AOX1: variants seen among roughly 807,000 people sequenced by gnomAD.
AOX1 encodes aldehyde oxidase 1.
A neutral mutation model predicts 169.5 loss-of-function variants in AOX1; 153 were observed. The observed-to-expected ratio is 0.90, with a 90% CI of 0.79 to 1.03. AOX1 has a LOEUF of 1.03. AOX1 is among the 50% of genes least tolerant of loss of function. AOX1 has a pLI of 0.00. For synonymous variants in AOX1, 562 were observed against 581.9 expected (o/e 0.97, Z 0.49); for missense variants, 1,656 against 1,663.9 (o/e 1.00, Z 0.08).
intron 25 of AOX1, among the ~76,000 whole-genome samples, chr2:200,648,973 G>A (rs2035522743): frequency 6.6e-6 from 1 of 152,122 alleles, no homozygotes; most frequent in Non-Finnish European, 1.5e-5. Flanking sequence ...TTTGCAGGCA[G>A]ACAGTGTGAT....
chr2:200,641,576 A>G (rs1363081077), intron 24 of AOX1, among the ~76,000 whole-genome samples: 2 of 151,546 alleles, frequency 1.3e-5, no homozygotes, highest in African/African-American at 4.8e-5. Context: ...TTTTATTTTT[A>G]TTTTTTGAGA....
chr2:200,641,567 T>A (rs1290339366), intron 24 of AOX1, among the ~76,000 whole-genome samples: 1 of 152,088 alleles, frequency 6.6e-6, no homozygotes, highest in African/African-American at 2.4e-5. Flanking sequence ...GTAGTCTTTT[T>A]TTATTTTTAT....
At chr2:200,587,065 G>A (rs1160712700) in intron 1 of AOX1, among the ~76,000 whole-genome samples, 1 of 151,524 alleles carries the variant, frequency 6.6e-6, no homozygotes, top group African/African-American at 2.4e-5. Flanking sequence ...CCAGGAGTTC[G>A]AGTTTAGCCT....
chr2:200,652,835 C>T (rs1383001804), intron 26 of AOX1, among the ~76,000 whole-genome samples: 1 of 152,100 alleles, frequency 6.6e-6, no homozygotes, highest in Non-Finnish European at 1.5e-5. Flanking sequence ...GAGGCCAAGA[C>T]AGGAGAATTG....
chr2:200,654,166 G>A lies in AOX1; in HGVS notation c.3076-2676G>A, dbSNP rs1374287291. Among the ~76,000 whole-genome samples, 4 of 137,114 alleles carry A rather than the reference G, an allele frequency of 2.9e-5. No individual in the cohort carries two copies. The Admixed American group carries it at 3.3e-4, about 11-fold the overall frequency. The allele number at this position is 137,114 out of a possible 152,430, so 90.0% of individuals were successfully genotyped here. On this transcript the variant is annotated intron_variant, in intron 26 of 34. Transcript: ENST00000374700. ...GAAATGATTAAGCTTAGTAAGGAAG[G>A]CACTGCACTCCAGCCTGGGTGACAG...
chr2:200,640,230 C>A (rs1036257774), intron 23 of AOX1, among the ~76,000 whole-genome samples: 8 of 151,986 alleles, frequency 5.3e-5, no homozygotes, highest in African/African-American at 1.9e-4. Context: ...TTAGGTGATG[C>A]CTGACTGAGA....
chr2:200,622,394 C>T (rs1462547735), intron 18 of AOX1, among the ~76,000 whole-genome samples: 1 of 152,220 alleles, frequency 6.6e-6, no homozygotes, highest in East Asian at 1.9e-4. Context: ...CAGCAGTCAA[C>T]AGGTTTTCTG....
intron 18 of AOX1, among the ~76,000 whole-genome samples, chr2:200,623,313 CCAGG>C (rs1362193977): frequency 6.6e-6 from 1 of 152,222 alleles, no homozygotes; most frequent in Non-Finnish European, 1.5e-5. Flanking sequence ...GTCAACCCCC[CCAGG>C]AAGGGGATGC....
chr2:200,677,908 G>A (rs2036121167), downstream of AOX1, among the ~76,000 whole-genome samples: 1 of 152,182 alleles, frequency 6.6e-6, no homozygotes. Flanking sequence ...GAAAAGAAGT[G>A]GAGGCTCAGA....
intron 25 of AOX1, among the ~76,000 whole-genome samples, chr2:200,648,598 T>A (rs183809956): frequency 4.4e-4 from 67 of 152,256 alleles, no homozygotes; most frequent in South Asian, 1.4e-3. Flanking sequence ...CCAGAAAGCA[T>A]CAGCTGTAGT....
intron 22 of AOX1, 47 bp from the exon 23 acceptor site, chr2:200,638,168 C>G (rs376776140): frequency 6.4e-7 from 1 of 1,565,062 alleles, no homozygotes; most frequent in Non-Finnish European, 8.8e-7. Context: ...CCAGAGAATG[C>G]CTGCTAGGTA....
chr2:200,641,752 T>G (rs1433451102), intron 24 of AOX1, among the ~76,000 whole-genome samples: 1 of 152,032 alleles, frequency 6.6e-6, no homozygotes, highest in Non-Finnish European at 1.5e-5. Flanking sequence ...AGAGCTGATC[T>G]CAAACTACTA....
intron 16 of AOX1, among the ~76,000 whole-genome samples, chr2:200,619,688 A>AGGTATT (rs1420354569): frequency 2.5e-4 from 38 of 152,362 alleles, no homozygotes; most frequent in Admixed American, 3.9e-4. Context: ...TACAGAGCCA[A>AGGTATT]CAGCAAGATA....
At chr2:200,680,833 AC>A (rs1374326430), downstream of AOX1, among the ~76,000 whole-genome samples, 4 of 152,202 alleles carry the variant, frequency 2.6e-5, no homozygotes, top group Non-Finnish European at 5.9e-5. Context: ...GGTGTGAGCC[AC>A]CATATACCCA....
chr2:200,680,661 T>C (rs2036144348), downstream of AOX1, among the ~76,000 whole-genome samples: 1 of 152,300 alleles, frequency 6.6e-6, no homozygotes, highest in African/African-American at 2.4e-5. Flanking sequence ...TTCTCCTGCC[T>C]CAGCCTCATG....
chr2:200,609,181 A>C (rs2034579165), intron 11 of AOX1, 46 bp downstream of exon 11: 2 of 1,605,626 alleles, frequency 1.2e-6, no homozygotes. Context: ...CCCTTGGGTG[A>C]CTCTCCCTGA....
chr2:200,645,932 TAGTG>T (rs200194210), intron 25 of AOX1, among the ~76,000 whole-genome samples: 4,554 of 152,236 alleles, frequency 0.03, 129 homozygotes, highest in African/African-American at 0.068. Flanking sequence ...TTTCGTTTCT[TAGTG>T]AGGTTATTTG....
rs567121211 is a variant in AOX1 at position 200,595,326 on chromosome 2, C to T, written c.158C>T (p.Thr53Ile). The T allele has an allele frequency of 2.6e-5, 42 of 1,613,112 alleles. 1 individual carries two copies. Among genetic ancestry groups the T allele is most frequent in the Admixed American group, 5.0e-5 (3 of 59,984 alleles). Residue 53 changes from threonine to isoleucine, a missense_variant, in exon 3 of 35, where the codon ACA becomes ATA. Coordinates refer to ENST00000374700, the MANE Select transcript of AOX1 (RefSeq NM_001159.4). Reference sequence around the variant, plus strand: ...GGAGGAGGAGGCTGTGGTGCTTGTACAGTGATGATATCACGATACAACCCC... The same window carrying T: ...GGAGGAGGAGGCTGTGGTGCTTGTATAGTGATGATATCACGATACAACCCC... ...GCGGGGCGAC[T>I]VMISRYNPIT...
chr2:200,629,002 G>C (rs1447119496), intron 20 of AOX1, among the ~76,000 whole-genome samples: 1 of 152,130 alleles, frequency 6.6e-6, no homozygotes, highest in African/African-American at 2.4e-5. Flanking sequence ...TTGATCACAA[G>C]AATAGGAAGA....
Sources: gnomAD v4.1 joint callset for allele counts (sites outside exome capture counted in the v4.1 genomes callset) on GRCh38, gnomAD v4.1.1 for gene constraint, MANE v1.5 for transcripts, NCBI Gene and HGNC (gene_info 2026-07-23, HGNC 2026-07-21) for gene names.